HM13: variants seen among roughly 807,000 people sequenced by gnomAD.
HM13 encodes the protein histocompatibility minor 13.
In HM13, 18 loss-of-function variants were observed where a neutral mutation model predicts 50.0. That is an observed-to-expected ratio of 0.36 (90% CI 0.25 to 0.53). The LOEUF (loss-of-function observed/expected upper bound fraction) is 0.53. HM13 is among the 20% of genes least tolerant of loss of function. The pLI is 0.90. For synonymous variants in HM13, 197 were observed against 232.6 expected (o/e 0.85, Z 1.39); for missense variants, 393 against 552.4 (o/e 0.71, Z 2.89).
At chr20:31,531,024 C>G (rs6058033) in intron 2 of HM13, among the ~76,000 whole-genome samples, 41,646 of 152,020 alleles carry the variant, frequency 0.27, 8,605 homozygotes, top group African/African-American at 0.58. Flanking sequence ...TAGTTTTTTC[C>G]AGTCTGTGAG....
At position 31,549,020 on chromosome 20, in the gene HM13, T is replaced by C; in HGVS notation, c.455-9T>C. On this transcript the variant is annotated splice_polypyrimidine_tract_variant and intron_variant, in intron 4 of 12. Coordinates refer to ENST00000398174, the MANE Select transcript of HM13 (RefSeq NM_178581.3). Reference sequence around the variant, plus strand: ...TCAGGGAGTGGACTTACCTGGCCTCTCTGCTCAGAGATCATCAATTATGAA... The same window carrying C: ...TCAGGGAGTGGACTTACCTGGCCTCCCTGCTCAGAGATCATCAATTATGAA... 1 of 1,614,036 alleles carries C rather than the reference T, an allele frequency of 6.2e-7. No homozygotes were observed. Among genetic ancestry groups the C allele is most frequent in the Non-Finnish European group, 8.5e-7 (1 of 1,179,876 alleles).
chr20:31,528,816 C>T (rs1982646180), intron 2 of HM13, among the ~76,000 whole-genome samples: 1 of 151,860 alleles, frequency 6.6e-6, no homozygotes, highest in Admixed American at 6.6e-5. Flanking sequence ...CGCTTTGTTG[C>T]CCAGTCTGGT....
chr20:31,525,670 T>C (rs1180068635), intron 1 of HM13, among the ~76,000 whole-genome samples: 1 of 151,868 alleles, frequency 6.6e-6, no homozygotes, highest in Non-Finnish European at 1.5e-5. Flanking sequence ...CCTTGAGGAC[T>C]GTGAGGATTT....
At chr20:31,552,611 A>G (rs572888766) in intron 7 of HM13, among the ~76,000 whole-genome samples, 2 of 152,346 alleles carry the variant, frequency 1.3e-5, no homozygotes, top group African/African-American at 4.8e-5. Context: ...ATATGCTGAC[A>G]TCAGGCTGCC....
intron 7 of HM13, among the ~76,000 whole-genome samples, chr20:31,553,635 C>G (rs1984147070): frequency 6.6e-6 from 1 of 152,034 alleles, no homozygotes; most frequent in Non-Finnish European, 1.5e-5. Context: ...CCACTTATAA[C>G]TGCTCTTCTG....
chr20:31,537,500 G>A (rs1016608642), intron 2 of HM13, among the ~76,000 whole-genome samples: 2 of 152,226 alleles, frequency 1.3e-5, no homozygotes, highest in Admixed American at 6.5e-5. Context: ...TAGAGACCAC[G>A]ATAGTAACAA....
In HM13 at chr20:31,544,821, TG is replaced by T. The variant is rs1983620548; in HGVS notation, c.366-123del. Reference sequence around the variant, plus strand: ...GGCCTCTGTTTTCACATCTGTAGAGTGGGAACAGTAACACCTACCTATCAGG... The same window carrying T: ...GGCCTCTGTTTTCACATCTGTAGAGTGGAACAGTAACACCTACCTATCAGG... On this transcript the variant is annotated intron_variant, in intron 3 of 12. Transcript: ENST00000398174. 3 of 733,728 alleles carry T rather than the reference TG, an allele frequency of 4.1e-6. No individual in the cohort carries two copies. The Admixed American group carries it at 6.0e-5, about 15-fold the overall frequency. 45.5% of individuals were successfully genotyped at this position (733,728 alleles called of 1,614,324 possible). A position where few individuals can be genotyped will look rare whatever the true frequency, so the allele number is the denominator to read the frequency against.
intron 4 of HM13, chr20:31,547,846 G>A (rs566854639): frequency 2.1e-6 from 2 of 949,160 alleles, no homozygotes; most frequent in South Asian, 2.6e-5. Context: ...TATGTGTCCA[G>A]GTTTAACTTC....
chr20:31,566,956 C>A (rs770361194), intron 11 of HM13, among the ~76,000 whole-genome samples: 1 of 152,082 alleles, frequency 6.6e-6, no homozygotes, highest in African/African-American at 2.4e-5. Flanking sequence ...CTGTCAGTTG[C>A]GATTAAAGCT....
chr20:31,565,790 TAGTTATTAC>T, intron 10 of HM13, among the ~76,000 whole-genome samples: 1 of 152,096 alleles, frequency 6.6e-6, no homozygotes, highest in Non-Finnish European at 1.5e-5. Context: ...CTGCAACAAG[TAGTTATTAC>T]ATAGCAGCTG....
chr20:31,530,222 A>G (rs1324247375), intron 2 of HM13, among the ~76,000 whole-genome samples: 3 of 152,142 alleles, frequency 2.0e-5, no homozygotes, highest in African/African-American at 7.2e-5. Context: ...CGTCTCAAAA[A>G]AAGAAATATT....
At chr20:31,550,968 G>A (rs1025836231) in intron 7 of HM13, among the ~76,000 whole-genome samples, 1 of 152,066 alleles carries the variant, frequency 6.6e-6, no homozygotes, top group Non-Finnish European at 1.5e-5. Context: ...ACAGAATGAG[G>A]CCCTGTCTTT....
chr20:31,538,390 C>T, intron 3 of HM13, 129 bp downstream of exon 3: 1 of 1,554,458 alleles, frequency 6.4e-7, no homozygotes, highest in East Asian at 2.4e-5. Flanking sequence ...ACTCAAGGGA[C>T]TCTTTCCCCT....
At chr20:31,527,319 T>C (rs1044991926) in intron 1 of HM13, among the ~76,000 whole-genome samples, 165 bp from the exon 2 acceptor site, 1 of 146,414 alleles carries the variant, frequency 6.8e-6, no homozygotes. Flanking sequence ...GCCTGGGTGA[T>C]AGAGCAAGAC....
intron 8 of HM13, among the ~76,000 whole-genome samples, chr20:31,556,579 A>G (rs1430948025): frequency 6.6e-6 from 1 of 152,234 alleles, no homozygotes; most frequent in Non-Finnish European, 1.5e-5. Context: ...CACACTAGTA[A>G]GCAACAGGGC....
chr20:31,553,341 G>C (rs1984131847), intron 7 of HM13, among the ~76,000 whole-genome samples: 1 of 150,692 alleles, frequency 6.6e-6, no homozygotes, highest in Admixed American at 6.6e-5. Flanking sequence ...CCCCCTACCT[G>C]CAAGTAAGGA....
Position 31,569,121 on chromosome 20 carries a change from TATG to T in HM13, c.1185_1187del (p.Tyr395_Glu396delinsTer). The T allele has an allele frequency of 6.4e-7, 1 of 1,556,498 alleles. No individual in the cohort carries two copies. The highest frequency in any genetic ancestry group is 2.4e-5 in the East Asian group (1 of 42,098). On this transcript the variant is annotated stop_gained and inframe_deletion and splice_region_variant, in exon 13 of 13. Transcript: ENST00000398174. LOFTEE classifies it high-confidence loss of function. The stretch of plus-strand genomic sequence containing the variant: ...TGTTGTTTTTTTTTTTTTGGTCAGT[TATG>T]AGGAGTCAAATCCTAAGGATCCAGC...
intron 6 of HM13, 80 bp from the exon 7 acceptor site, chr20:31,549,984 A>G (rs973227738): frequency 1.9e-6 from 2 of 1,053,432 alleles, no homozygotes; most frequent in Non-Finnish European, 3.0e-6. Flanking sequence ...GCAGCAGCAC[A>G]TCTAGAAGCC....
chr20:31,527,710 T>C, intron 2 of HM13, 128 bp downstream of exon 2: 1 of 690,326 alleles, frequency 1.4e-6, no homozygotes, highest in South Asian at 1.9e-5. Flanking sequence ...AAATTAATAA[T>C]TCACCCATAG....
Sources: gnomAD v4.1 joint callset for allele counts (sites outside exome capture counted in the v4.1 genomes callset) on GRCh38, gnomAD v4.1.1 for gene constraint, MANE v1.5 for transcripts, NCBI Gene and HGNC (gene_info 2026-07-23, HGNC 2026-07-21) for gene names.